Variants in CFAP206 observed in about 807,000 individuals in gnomAD.
The protein encoded by CFAP206 is cilia- and flagella-associated protein 206.
CFAP206 carries 53 observed loss-of-function variants against 65.4 expected under a neutral mutation model. The ratio of observed to expected loss-of-function variants is 0.81; its 90% CI spans 0.65 to 1.02. The LOEUF (loss-of-function observed/expected upper bound fraction) is 1.02. Ranked by LOEUF, CFAP206 falls within the 50% of genes least tolerant of loss-of-function variation. The probability of loss-of-function intolerance (pLI) is 0.00; values close to 1 mark genes in which losing one functional copy is unlikely to be tolerated. For synonymous variants in CFAP206, 250 were observed against 254.4 expected, an observed-to-expected ratio of 0.98 and a Z score of 0.17; for missense variants, 663 against 753.2, an observed-to-expected ratio of 0.88 and a Z score of 1.40.
chr6:87,416,504 C>T (rs533809890), intron 5 of CFAP206, among the ~76,000 whole-genome samples, 165 bp from the exon 6 acceptor site: 37 of 152,134 alleles, frequency 2.4e-4, no homozygotes, highest in Middle Eastern at 6.8e-3. Context: ...AGCTTTGATG[C>T]GTGATAAGTT....
At chr6:87,418,121 G>T (rs1767866860) in intron 6 of CFAP206, 87 bp from the exon 7 acceptor site, 1 of 1,202,958 alleles carries the variant, frequency 8.3e-7, no homozygotes, top group East Asian at 2.5e-5. Context: ...CTAACTTAAT[G>T]TTTAAAATGT....
At chr6:87,420,092 A>T (rs1767913602) in intron 7 of CFAP206, among the ~76,000 whole-genome samples, 1 of 152,164 alleles carries the variant, frequency 6.6e-6, no homozygotes, top group Non-Finnish European at 1.5e-5. Flanking sequence ...AGAATAAATA[A>T]ATAAATAATA....
intron 10 of CFAP206, among the ~76,000 whole-genome samples, chr6:87,433,357 ATTTG>A (rs1768193752): frequency 6.6e-6 from 1 of 152,188 alleles, no homozygotes; most frequent in Non-Finnish European, 1.5e-5. Context: ...GTCAATAACT[ATTTG>A]TTGGATAAAT....
intron 11 of CFAP206, 43 bp from the exon 12 acceptor site, chr6:87,460,979 T>C (rs750579652): frequency 6.6e-6 from 10 of 1,516,454 alleles, no homozygotes; most frequent in South Asian, 1.3e-5. Flanking sequence ...GTAAATAATG[T>C]TTATTTTTTA....
intron 1 of CFAP206, among the ~76,000 whole-genome samples, chr6:87,409,009 T>A (rs1292898340): frequency 7.1e-6 from 1 of 141,480 alleles, no homozygotes; most frequent in African/African-American, 2.7e-5. Context: ...CACTTTTTCC[T>A]TATAGTAAAT....
At chr6:87,421,682 AC>A (rs1156388368) in intron 7 of CFAP206, among the ~76,000 whole-genome samples, 1 of 152,186 alleles carries the variant, frequency 6.6e-6, no homozygotes, top group Non-Finnish European at 1.5e-5. Flanking sequence ...CAAGGCAGAC[AC>A]CAAAGAGGGA....
rs543575085 is a variant in CFAP206, at chr6:87,436,964, C to T, written c.1494+1911C>T. Among the ~76,000 whole-genome samples, 66 of 152,026 alleles carry T rather than the reference C, an allele frequency of 4.3e-4. No individual in the cohort carries two copies. In the South Asian group the frequency reaches 8.5e-3, roughly 20 times the overall value. ...CCAATTTGATGAATTTAAAATGGTA[C>T]TTATTATTGTTTGTTTTTTTTTCTG... On this transcript the variant is annotated intron_variant, in intron 11 of 12. Coordinates refer to ENST00000369562, the MANE Select transcript of CFAP206 (RefSeq NM_001031743.3).
chr6:87,430,383 CT>C (rs1450915015), intron 9 of CFAP206, among the ~76,000 whole-genome samples: 1 of 152,044 alleles, frequency 6.6e-6, no homozygotes, highest in African/African-American at 2.4e-5. Flanking sequence ...ATTCAGTTTG[CT>C]TATCAAATGT....
intron 7 of CFAP206, among the ~76,000 whole-genome samples, chr6:87,419,161 T>C (rs143008330): frequency 6.6e-6 from 1 of 151,906 alleles, no homozygotes; most frequent in African/African-American, 2.4e-5. Context: ...GATTGGAGTC[T>C]TGCTATGTTG....
rs116329354 is a variant in CFAP206 at position 87,461,205 on chromosome 6, G to A, written c.1638+40G>A. 7.0e-4 allele frequency: 973 copies of A among 1,389,218 alleles called. 3 individuals are homozygous for A. The African/African-American group carries it at 0.013, about 19-fold the overall frequency. 86.1% of individuals were successfully genotyped at this position (1,389,218 alleles called of 1,614,324 possible). On this transcript the variant is annotated intron_variant, in intron 12 of 12. Coordinates refer to ENST00000369562, the MANE Select transcript of CFAP206 (RefSeq NM_001031743.3). ...TTTCTAGAATTATTTATATGTTGGG[G>A]AATTTTAATCTATTGTTACTCATAG...
intron 9 of CFAP206, 130 bp downstream of exon 9, chr6:87,428,954 A>C: frequency 1.1e-6 from 1 of 941,824 alleles, no homozygotes; most frequent in Non-Finnish European, 1.6e-6. Context: ...TAAAGTACTA[A>C]TGAGGGCCGG....
At chr6:87,420,947 G>A (rs1767930598) in intron 7 of CFAP206, among the ~76,000 whole-genome samples, 1 of 152,062 alleles carries the variant, frequency 6.6e-6, no homozygotes, top group Non-Finnish European at 1.5e-5. Flanking sequence ...AAACTATTCA[G>A]TCCTTCCCCA....
chr6:87,453,570 TAAG>T (rs1017162658), intron 11 of CFAP206, among the ~76,000 whole-genome samples: 50 of 152,230 alleles, frequency 3.3e-4, no homozygotes, highest in African/African-American at 1.1e-3. Flanking sequence ...AACAAAAAGT[TAAG>T]AAGCGGCAGT....
chr6:87,418,787 C>G (rs1172799398), intron 7 of CFAP206, among the ~76,000 whole-genome samples: 1 of 151,880 alleles, frequency 6.6e-6, no homozygotes. Context: ...TTTGTTCTCA[C>G]TGTAACAACT....
In CFAP206 at chr6:87,434,909, C is replaced by CAATAGT; in HGVS notation, c.1353_1358dup (p.Asn451_Ser452dup). 6.6e-7 allele frequency: 1 copy of CAATAGT among 1,516,450 alleles called. No individual in the cohort carries two copies. The highest frequency in any genetic ancestry group is 9.0e-7 in the Non-Finnish European group (1 of 1,106,064). The allele number at this position is 1,516,450 out of a possible 1,614,324, so 93.9% of individuals were successfully genotyped here. A position where few individuals can be genotyped will look rare whatever the true frequency, so the allele number is the denominator to read the frequency against. On this transcript the variant is annotated inframe_insertion, in exon 11 of 13. Transcript: ENST00000369562. ...AATATAAAGAAAAATATTACACATT[C>CAATAGT]AATAGTAAAGATGCTGCATATTCAT...
intron 1 of CFAP206, 91 bp downstream of exon 1, chr6:87,408,180 G>C: frequency 1.8e-6 from 1 of 548,210 alleles, no homozygotes; most frequent in Non-Finnish European, 2.3e-6. Context: ...CGGGCGGCTG[G>C]AGGACCGCGT....
At chr6:87,462,159 T>C (rs1179375510) in intron 12 of CFAP206, among the ~76,000 whole-genome samples, 2 of 152,204 alleles carry the variant, frequency 1.3e-5, no homozygotes, top group Non-Finnish European at 2.9e-5. Context: ...CCCTGACTGG[T>C]TGATGTACAG....
At chr6:87,435,211 A>AT (rs1307965853) in intron 11 of CFAP206, 158 bp downstream of exon 11, 1 of 489,508 alleles carries the variant, frequency 2.0e-6, no homozygotes, top group African/African-American at 2.0e-5. Flanking sequence ...GAAGATGAAA[A>AT]CTAATTGAAT....
chr6:87,419,260 C>T (rs1266061076), intron 7 of CFAP206, among the ~76,000 whole-genome samples: 1 of 152,028 alleles, frequency 6.6e-6, no homozygotes, highest in Non-Finnish European at 1.5e-5. Flanking sequence ...GCCACCATAC[C>T]TAGCCAGATA....
Sources: gnomAD v4.1 joint callset for allele counts (sites outside exome capture counted in the v4.1 genomes callset) on GRCh38, gnomAD v4.1.1 for gene constraint, MANE v1.5 for transcripts, NCBI Gene and HGNC (gene_info 2026-07-23, HGNC 2026-07-21) for gene names.